Variants in DENND3 observed in about 807,000 individuals in gnomAD.
The protein encoded by DENND3 is DENN domain containing 3.
In DENND3, 88 loss-of-function variants were observed where a neutral mutation model predicts 135.1. The ratio of observed to expected loss-of-function variants is 0.65; its 90% CI spans 0.55 to 0.78. DENND3 has a LOEUF of 0.78. DENND3 is among the 30% of genes least tolerant of loss of function. The pLI, the probability that DENND3 is intolerant of heterozygous loss-of-function variation, is 0.00. For synonymous variants in DENND3, 693 were observed against 712.3 expected (o/e 0.97, Z 0.43); for missense variants, 1,392 against 1,688.4 (o/e 0.82, Z 3.08).
intron 22 of DENND3, chr8:141,193,761 T>C (rs1569557241): frequency 5.8e-6 from 3 of 516,312 alleles, no homozygotes; most frequent in Middle Eastern, 5.2e-4. Context: ...CAGGTGGCTG[T>C]TGTTTGGTGA....
intron 13 of DENND3, among the ~76,000 whole-genome samples, chr8:141,173,005 C>T: frequency 6.7e-6 from 1 of 150,134 alleles, no homozygotes; most frequent in East Asian, 2.0e-4. Flanking sequence ...GCTGAGGCAC[C>T]CCAGTCAGAG....
rs1392305950 is a variant in DENND3 at position 141,137,306 on chromosome 8, A to G, written c.385+515A>G. Among the ~76,000 whole-genome samples, 1 of 152,174 alleles carries G rather than the reference A, an allele frequency of 6.6e-6. No individual in the cohort carries two copies. The highest frequency in any genetic ancestry group is 2.4e-5 in the African/African-American group (1 of 41,430). ...ACCTTGGGGATTTTAAAGCTGAAGGAAATGTAAATCATTGCGTGTGGTCCC... is the reference window on the plus strand; with the variant it reads ...ACCTTGGGGATTTTAAAGCTGAAGGGAATGTAAATCATTGCGTGTGGTCCC... On this transcript the variant is annotated intron_variant, in intron 2 of 22. Coordinates refer to ENST00000519811, the MANE Select transcript of DENND3 (RefSeq NM_001352890.3). This position sits in a 1 kb window ranked among gnomAD's most constrained non-coding sequence, Gnocchi z 4.1.
At chr8:141,180,938 T>G in intron 17 of DENND3, 84 bp downstream of exon 17, 1 of 1,077,314 alleles carries the variant, frequency 9.3e-7, no homozygotes, top group Non-Finnish European at 1.3e-6. Context: ...AGCCCTGAAG[T>G]GAAAGGGGAG....
At chr8:141,157,854 G>A (rs1408026763) in intron 8 of DENND3, 2 of 905,390 alleles carry the variant, frequency 2.2e-6, no homozygotes, top group African/African-American at 3.6e-5. Context: ...CCGCCTTCCA[G>A]GTTCAAGCGA....
At chr8:141,193,239 G>C (rs577957587) in intron 22 of DENND3, 1 of 167,236 alleles carries the variant, frequency 6.0e-6, no homozygotes, top group African/African-American at 2.4e-5. Context: ...GGATTTGGGG[G>C]GACACTGTTC....
chr8:141,185,193 C>T lies in DENND3; in HGVS notation c.2999C>T (p.Ala1000Val), dbSNP rs1226326733. Reference sequence around the variant, plus strand: ...GATGCTCACCCCAAGTTATGGTGTGCTCTGAGCGAAGGCAAGGTGACCGTG... The same window carrying T: ...GATGCTCACCCCAAGTTATGGTGTGTTCTGAGCGAAGGCAAGGTGACCGTG... ...VEDAHPKLWC[A>V]LSEGKVTVFN... The change falls in exon 18 of 23, where the codon GCT becomes GTT. Residue 1000 changes from alanine (A) to valine (V), a missense_variant. Coordinates refer to ENST00000519811, the MANE Select transcript of DENND3 (RefSeq NM_001352890.3). 6.2e-7 allele frequency: 1 copy of T among 1,614,118 alleles called. No homozygotes were observed. The highest frequency in any genetic ancestry group is 8.5e-7 in the Non-Finnish European group (1 of 1,180,044).
At chr8:141,152,172 T>A (rs185400169) in intron 7 of DENND3, among the ~76,000 whole-genome samples, 39 of 152,358 alleles carry the variant, frequency 2.6e-4, no homozygotes, top group Middle Eastern at 3.4e-3. Flanking sequence ...ACACAGCATG[T>A]TTTTAGTTGG....
chr8:141,189,016 G>T lies in DENND3; in HGVS notation c.3115G>T (p.Val1039Leu). 6.2e-7 allele frequency: 1 copy of T among 1,614,100 alleles called. No homozygotes were observed. Among genetic ancestry groups the T allele is most frequent in the Non-Finnish European group, 8.5e-7 (1 of 1,179,994 alleles). Residue 1039 changes from valine (V) to leucine (L), a missense_variant, in exon 19 of 23, where the codon GTG becomes TTG. By Grantham distance (32) the Val-to-Leu change is conservative. Coordinates refer to ENST00000519811, the MANE Select transcript of DENND3 (RefSeq NM_001352890.3). ...NCMVMADQNQ[V>L]WVGSEDSVIY... ...CATGGTGATGGCCGACCAGAACCAGGTGTGGGTTGGCTCGGAAGACTCCGT... is the reference window on the plus strand; with the variant it reads ...CATGGTGATGGCCGACCAGAACCAGTTGTGGGTTGGCTCGGAAGACTCCGT...
chr8:141,185,013 G>A (rs1261626999), intron 17 of DENND3, 126 bp from the exon 18 acceptor site: 14 of 1,276,264 alleles, frequency 1.1e-5, no homozygotes, highest in East Asian at 2.3e-5. Flanking sequence ...GTCTTTGTAC[G>A]TACAGCACCT....
Position 141,128,880 on chromosome 8 carries a change from C to A in DENND3, c.102+71C>A. The A allele has an allele frequency of 1.7e-6, 2 of 1,173,840 alleles. No homozygotes were observed. The highest frequency in any genetic ancestry group is 1.1e-6 in the Non-Finnish European group (1 of 894,126). The allele number at this position is 1,173,840 out of a possible 1,614,324, so 72.7% of individuals were successfully genotyped here. On this transcript the variant is annotated intron_variant, in intron 1 of 22. Coordinates refer to ENST00000519811, the MANE Select transcript of DENND3 (RefSeq NM_001352890.3). This position sits in a 1 kb window ranked among gnomAD's most constrained non-coding sequence, Gnocchi z 4.5. ...GCCGGGACAGCAGTCGGAGAGCGGG[C>A]GCCCGGGTGCCCTGTGGGTTGGCGC...
At chr8:141,160,465 C>A (rs1359297910) in intron 8 of DENND3, among the ~76,000 whole-genome samples, 167 bp from the exon 9 acceptor site, 1 of 152,236 alleles carries the variant, frequency 6.6e-6, no homozygotes, top group Admixed American at 6.5e-5. Context: ...CAGGCGTGAG[C>A]CACCGCGTCC....
rs1226894857 is a variant in DENND3, at chr8:141,174,582, C to A, written c.2276-618C>A. Among the ~76,000 whole-genome samples the A allele has an allele frequency of 1.3e-5, 2 of 152,184 alleles. No homozygotes were observed. The highest frequency in any genetic ancestry group is 6.5e-5 in the Admixed American group (1 of 15,280). On this transcript the variant is annotated intron_variant, in intron 13 of 22. Coordinates refer to ENST00000519811, the MANE Select transcript of DENND3 (RefSeq NM_001352890.3). This position sits in a 1 kb window ranked among gnomAD's most constrained non-coding sequence, Gnocchi z 4.6. Reference sequence around the variant, plus strand: ...TCGTGAAGCGGGCTTCAGGCTCAGGCTCCTCTGACTCCAGAGCCCGTGAGT... The same window carrying A: ...TCGTGAAGCGGGCTTCAGGCTCAGGATCCTCTGACTCCAGAGCCCGTGAGT...
At chr8:141,151,018 G>C (rs369724822) in intron 6 of DENND3, 65 bp downstream of exon 6, 1 of 1,454,194 alleles carries the variant, frequency 6.9e-7, no homozygotes, top group African/African-American at 1.4e-5. Flanking sequence ...TCAGAGCAAC[G>C]ATCAGAGATG....
chr8:141,170,093 A>G (rs1187389809), intron 13 of DENND3, among the ~76,000 whole-genome samples: 6 of 152,238 alleles, frequency 3.9e-5, no homozygotes, highest in Non-Finnish European at 8.8e-5. Context: ...AGGATGCCAC[A>G]CTGACGTCAC....
In DENND3 at chr8:141,194,531, T is replaced by G; in HGVS notation, c.*298T>G. 2.6e-6 allele frequency: 1 copy of G among 386,758 alleles called. No homozygotes were observed. The allele number at this position is 386,758 out of a possible 1,614,324, so 24.0% of individuals were successfully genotyped here. A position where few individuals can be genotyped will look rare whatever the true frequency, so the allele number is the denominator to read the frequency against. On this transcript the variant is annotated 3_prime_UTR_variant, in exon 23 of 23. Transcript: ENST00000519811. Reference sequence around the variant, plus strand: ...GGAGGTTACTTTGTTGCCTAGAAAGTTCTGGAATCCACAACCAGGGGCTGG... The same window carrying G: ...GGAGGTTACTTTGTTGCCTAGAAAGGTCTGGAATCCACAACCAGGGGCTGG...
At chr8:141,159,187 C>T (rs751466518) in intron 8 of DENND3, among the ~76,000 whole-genome samples, 8 of 152,218 alleles carry the variant, frequency 5.3e-5, no homozygotes, top group South Asian at 2.1e-4. Context: ...CCTGGCACCG[C>T]GTGCCTGCCT....
intron 10 of DENND3, 29 bp downstream of exon 10, chr8:141,163,458 GT>G: frequency 7.2e-7 from 1 of 1,392,730 alleles, no homozygotes; most frequent in Non-Finnish European, 1.0e-6. Flanking sequence ...GGGTGTGCCT[GT>G]GTGTGTTCAA....
chr8:141,156,967 T>A (rs2154613009), intron 8 of DENND3, among the ~76,000 whole-genome samples: 1 of 152,058 alleles, frequency 6.6e-6, no homozygotes, highest in South Asian at 2.1e-4. Flanking sequence ...GTATTTTTAG[T>A]GGAGATGGGT....
Position 141,174,386 on chromosome 8 carries a change from CAG to C in DENND3, c.2276-813_2276-812del, listed in dbSNP as rs1822050188. Among the ~76,000 whole-genome samples the C allele has an allele frequency of 6.6e-6, 1 of 152,064 alleles. No homozygotes were observed. The highest frequency in any genetic ancestry group is 2.1e-4 in the South Asian group (1 of 4,818). On this transcript the variant is annotated intron_variant, in intron 13 of 22. Coordinates refer to ENST00000519811, the MANE Select transcript of DENND3 (RefSeq NM_001352890.3). The surrounding 1 kb of genome is among the most constrained non-coding windows in gnomAD (Gnocchi z 4.6). ...GAACTGAGGGGGACTTGCTGCACGT[CAG>C]GGGACAGAGAGAGGGACACTGGGTG...
Sources: gnomAD v4.1 joint callset for allele counts (sites outside exome capture counted in the v4.1 genomes callset) on GRCh38, gnomAD v4.1.1 for gene constraint, Gnocchi (gnomAD v3.1) non-coding constraint, MANE v1.5 for transcripts, NCBI Gene and HGNC (gene_info 2026-07-23, HGNC 2026-07-21) for gene names.